Variants in CSPP1 observed in about 807,000 individuals in gnomAD.
The protein encoded by CSPP1 is centrosome and spindle pole associated protein 1.
In CSPP1, 126 loss-of-function variants were observed where a neutral mutation model predicts 164.4. The observed-to-expected ratio is 0.77, with a 90% CI of 0.66 to 0.89. The LOEUF is 0.89. CSPP1 is among the 40% of genes least tolerant of loss of function. The pLI is 0.00. For synonymous variants in CSPP1, 472 were observed against 476.7 expected (o/e 0.99, Z 0.13); for missense variants, 1,395 against 1,449.8 (o/e 0.96, Z 0.61).
intron 16 of CSPP1, among the ~76,000 whole-genome samples, chr8:67,132,883 C>G (rs752005997): frequency 1.3e-5 from 2 of 152,190 alleles, no homozygotes; most frequent in Non-Finnish European, 2.9e-5. Context: ...CCCTTACCAT[C>G]TGAGAGGACC....
chr8:67,125,118 C>A (rs1195497853), intron 15 of CSPP1, among the ~76,000 whole-genome samples: 1 of 152,172 alleles, frequency 6.6e-6, no homozygotes, highest in Non-Finnish European at 1.5e-5. Context: ...AGTGTTCTTT[C>A]ATTTCAAGCT....
chr8:67,096,573 A>T (rs1812834960), intron 7 of CSPP1, among the ~76,000 whole-genome samples: 1 of 138,404 alleles, frequency 7.2e-6, no homozygotes, highest in Non-Finnish European at 1.6e-5. Flanking sequence ...TCCAAAAAAA[A>T]AAAAAGTGTG....
intron 26 of CSPP1, 43 bp downstream of exon 26, chr8:67,175,479 G>C: frequency 6.2e-7 from 1 of 1,609,564 alleles, no homozygotes; most frequent in Non-Finnish European, 8.5e-7. Flanking sequence ...TCAGCACGCT[G>C]TTTTTCCGTA....
chr8:67,179,235 C>T (rs1832419676), intron 27 of CSPP1, among the ~76,000 whole-genome samples: 1 of 152,034 alleles, frequency 6.6e-6, no homozygotes, highest in South Asian at 2.1e-4. Context: ...TTATAATAAG[C>T]CCAATCTTAG....
intron 29 of CSPP1, among the ~76,000 whole-genome samples, chr8:67,192,200 A>G (rs1253735818): frequency 6.6e-6 from 1 of 150,582 alleles, no homozygotes; most frequent in Non-Finnish European, 1.5e-5. Context: ...TCAGCCTCCC[A>G]AGTAGCTGGG....
At chr8:67,170,143 A>G (rs1830188906) in intron 24 of CSPP1, among the ~76,000 whole-genome samples, 1 of 152,014 alleles carries the variant, frequency 6.6e-6, no homozygotes, top group Non-Finnish European at 1.5e-5. Context: ...ACTTAACAGT[A>G]TAGCATTTAT....
At chr8:67,069,445 T>C (rs147477630) in intron 1 of CSPP1, among the ~76,000 whole-genome samples, 97 of 152,288 alleles carry the variant, frequency 6.4e-4, no homozygotes, top group African/African-American at 2.1e-3. Flanking sequence ...AGTTCTATAA[T>C]TTATAATGTT....
rs201316149 is a variant in CSPP1 at position 67,149,929 on chromosome 8, A to C, written c.2122A>C (p.Ser708Arg). 1.3e-6 allele frequency: 2 copies of C among 1,557,572 alleles called. No homozygotes were observed. Among genetic ancestry groups the C allele is most frequent in the Non-Finnish European group, 1.7e-6 (2 of 1,162,468 alleles). ...AENLEDAANKSSGHMQTQSSP... is the reference protein window; with the variant it reads ...AENLEDAANKRSGHMQTQSSP... ...GAACCTAGAAGATGCTGCAAATAAA[A>C]GCTCAGGTTTTTAATCACTTTTTTT... The change falls in exon 18 of 31, where the codon AGC (serine) becomes CGC (arginine). Residue 708 changes from serine to arginine, a missense_variant. By Grantham distance (110) the Ser-to-Arg change is moderately radical. Coordinates refer to ENST00000678616, the MANE Select transcript of CSPP1 (RefSeq NM_001382391.1).
At chr8:67,064,631 G>A in intron 1 of CSPP1, 93 bp downstream of exon 1, 1 of 1,254,496 alleles carries the variant, frequency 8.0e-7, no homozygotes, top group Non-Finnish European at 1.1e-6. Context: ...CTCCCTCGGG[G>A]CGTAGGTCTC....
At chr8:67,089,025 G>A (rs528431940) in intron 4 of CSPP1, among the ~76,000 whole-genome samples, 1 of 152,164 alleles carries the variant, frequency 6.6e-6, no homozygotes, top group Admixed American at 6.5e-5. Context: ...AAACTACACA[G>A]ACTATAGGGA....
chr8:67,195,387 G>C lies in CSPP1; in HGVS notation c.3475G>C (p.Glu1159Gln). ...GTGTCCCTTGCCTCCTGTAGATGAT[G>C]AGAGTTCACTGGTTGACCCTGATGA... ...FHNKPINTDD[E>Q]SSLVDPDDIM... Residue 1159 changes from glutamate to glutamine, a missense_variant, in exon 31 of 31, where the codon GAG becomes CAG. Physicochemically the swap from Glu to Gln is conservative, Grantham distance 29. Transcript: ENST00000678616. 1 of 1,613,270 alleles carries C rather than the reference G, an allele frequency of 6.2e-7. No individual in the cohort carries two copies. Among genetic ancestry groups the C allele is most frequent in the Non-Finnish European group, 8.5e-7 (1 of 1,179,286 alleles).
intron 28 of CSPP1, among the ~76,000 whole-genome samples, chr8:67,182,227 T>C (rs972137759): frequency 6.6e-6 from 1 of 152,160 alleles, no homozygotes; most frequent in Non-Finnish European, 1.5e-5. Flanking sequence ...GGTCGCGAAC[T>C]CTTGAGCTTA....
At chr8:67,087,335 G>A (rs2129543773) in intron 4 of CSPP1, among the ~76,000 whole-genome samples, 1 of 152,242 alleles carries the variant, frequency 6.6e-6, no homozygotes, top group Middle Eastern at 3.4e-3. Context: ...TACAAAACTG[G>A]TTTTAAAAGG....
intron 29 of CSPP1, 63 bp from the exon 30 acceptor site, chr8:67,193,401 T>A: frequency 2.0e-6 from 3 of 1,477,350 alleles, no homozygotes; most frequent in Non-Finnish European, 2.8e-6. Context: ...CTGGCCCTGA[T>A]TCACTGATTT....
chr8:67,111,389 G>T (rs1189245565), intron 9 of CSPP1, among the ~76,000 whole-genome samples: 1 of 152,162 alleles, frequency 6.6e-6, no homozygotes, highest in Non-Finnish European at 1.5e-5. Context: ...TTGGAGCAGG[G>T]AGAAGGGAGT....
chr8:67,109,099 T>G (rs1816282500), intron 9 of CSPP1, among the ~76,000 whole-genome samples: 1 of 152,208 alleles, frequency 6.6e-6, no homozygotes, highest in South Asian at 2.1e-4. Context: ...AACAGATCCT[T>G]TGTTAATGGT....
At chr8:67,067,171 G>A (rs1026215307) in intron 1 of CSPP1, among the ~76,000 whole-genome samples, 10 of 152,232 alleles carry the variant, frequency 6.6e-5, no homozygotes, top group African/African-American at 1.7e-4. Context: ...TCCACTCCTT[G>A]AGAGGGAAAA....
intron 16 of CSPP1, chr8:67,133,480 C>G (rs1821651612): frequency 6.6e-6 from 1 of 152,186 alleles, no homozygotes; most frequent in Admixed American, 6.5e-5. Flanking sequence ...TAAGGTGCAA[C>G]ATGTCTTAAA....
At chr8:67,112,250 T>TTTTA (rs1817008790) in intron 10 of CSPP1, among the ~76,000 whole-genome samples, 185 bp downstream of exon 10, 1 of 151,812 alleles carries the variant, frequency 6.6e-6, no homozygotes, top group African/African-American at 2.4e-5. Context: ...TTTTTTTTTT[T>TTTTA]TTGGTCATAA....
Sources: gnomAD v4.1 joint callset for allele counts (sites outside exome capture counted in the v4.1 genomes callset) on GRCh38, gnomAD v4.1.1 for gene constraint, MANE v1.5 for transcripts, NCBI Gene and HGNC (gene_info 2026-07-23, HGNC 2026-07-21) for gene names.